LRRC4C: variants seen among roughly 807,000 people sequenced by gnomAD.
The protein encoded by LRRC4C is leucine-rich repeat-containing protein 4C.
Under a neutral mutation model 33.6 loss-of-function variants are expected in LRRC4C, and 5 were observed. The ratio of observed to expected loss-of-function variants is 0.15; its 90% confidence interval spans 0.08 to 0.31. LRRC4C has a LOEUF of 0.31. LRRC4C is among the 10% of genes least tolerant of loss of function. The pLI is 1.00. For synonymous variants in LRRC4C, 329 were observed against 302.0 expected, an observed-to-expected ratio of 1.09 and a Z score of -0.93; for missense variants, 560 against 796.7, an observed-to-expected ratio of 0.70 and a Z score of 3.58.
chr11:40,616,963 G>A (rs1591287364), intron 3 of LRRC4C, among the ~76,000 whole-genome samples: 2 of 149,490 alleles, frequency 1.3e-5, no homozygotes, highest in Admixed American at 1.3e-4. Context: ...GTTTTATTTT[G>A]TTTAGATCTT....
At chr11:40,750,002 C>A (rs953284924) in intron 2 of LRRC4C, among the ~76,000 whole-genome samples, 21 of 152,110 alleles carry the variant, frequency 1.4e-4, no homozygotes, top group African/African-American at 4.8e-4. Context: ...AAAAGTATTA[C>A]ATCAAAGAAA....
At chr11:40,715,412 A>G (rs953025879) in intron 2 of LRRC4C, among the ~76,000 whole-genome samples, 2 of 152,242 alleles carry the variant, frequency 1.3e-5, no homozygotes, top group African/African-American at 2.4e-5. Flanking sequence ...TGGCAAGTAT[A>G]TAGAGCAGCA....
At chr11:40,821,022 C>A (rs1324508735) in intron 2 of LRRC4C, among the ~76,000 whole-genome samples, 1 of 151,406 alleles carries the variant, frequency 6.6e-6, no homozygotes, top group African/African-American at 2.4e-5. Context: ...ACAGAAAATC[C>A]TAAATTGAAA....
intron 2 of LRRC4C, among the ~76,000 whole-genome samples, chr11:40,862,758 C>G (rs1352172971): frequency 6.6e-6 from 1 of 152,124 alleles, no homozygotes. Flanking sequence ...AATTTTAACT[C>G]TCCTGTGTGT....
chr11:41,315,178 G>A (rs1591244490), intron 1 of LRRC4C, among the ~76,000 whole-genome samples: 1 of 152,174 alleles, frequency 6.6e-6, no homozygotes, highest in African/African-American at 2.4e-5. Flanking sequence ...CTGTGATCAT[G>A]AGCAACTTGA....
intron 1 of LRRC4C, among the ~76,000 whole-genome samples, chr11:41,433,837 G>A (rs538897192): frequency 8.6e-4 from 130 of 151,210 alleles, no homozygotes; most frequent in Admixed American, 1.7e-3. Context: ...ATATATATGC[G>A]TATATATATA....
intron 3 of LRRC4C, among the ~76,000 whole-genome samples, chr11:40,630,346 T>TCTTCTC (rs1555124522): frequency 2.7e-5 from 1 of 36,736 alleles, no homozygotes; most frequent in African/African-American, 7.5e-5. Context: ...TTCTTCTTCT[T>TCTTCTC]CTTCTTCTTC....
rs116427898 is a variant in LRRC4C, at chr11:41,081,566, C to T, written c.-495-147843G>A. Among the ~76,000 whole-genome samples, 1,018 of 152,158 alleles carry T rather than the reference C, an allele frequency of 6.7e-3. 12 individuals are homozygous for T. The highest frequency in any genetic ancestry group is 0.023 in the African/African-American group (937 of 41,502). On this transcript the variant is annotated intron_variant, in intron 1 of 6. Coordinates refer to ENST00000528697, the MANE Select transcript of LRRC4C (RefSeq NM_001258419.2). ...CATATGTTAAGAACAACCTTGGTTT[C>T]GGTTTAGCTTATTATCCACCTATTG...
chr11:40,184,422 A>T (rs1246271241), intron 5 of LRRC4C, among the ~76,000 whole-genome samples: 1 of 152,208 alleles, frequency 6.6e-6, no homozygotes, highest in East Asian at 1.9e-4. Flanking sequence ...AGAATAAAAA[A>T]GGGTTTGTGG....
chr11:40,572,719 G>C (rs976436507), intron 3 of LRRC4C, among the ~76,000 whole-genome samples: 2 of 152,176 alleles, frequency 1.3e-5, no homozygotes, highest in African/African-American at 2.4e-5. Flanking sequence ...ACTGGTCCTA[G>C]AACTGGAACC....
intron 1 of LRRC4C, among the ~76,000 whole-genome samples, chr11:41,026,048 A>G (rs1482651904): frequency 6.6e-6 from 1 of 151,778 alleles, no homozygotes; most frequent in Non-Finnish European, 1.5e-5. Context: ...TACTAATACA[A>G]CATTCATTCT....
At chr11:41,191,214 C>T (rs377089150) in intron 1 of LRRC4C, among the ~76,000 whole-genome samples, 1 of 152,162 alleles carries the variant, frequency 6.6e-6, no homozygotes, top group Admixed American at 6.6e-5. Context: ...AACTAAGCTA[C>T]GGTTTCTTAG....
intron 2 of LRRC4C, among the ~76,000 whole-genome samples, chr11:40,880,512 C>A (rs529664622): frequency 7.5e-6 from 1 of 132,896 alleles, no homozygotes; most frequent in Non-Finnish European, 1.6e-5. Context: ...GTGACTCCTA[C>A]GAACCCCTCC....
At chr11:41,415,941 T>C (rs1259022593) in intron 1 of LRRC4C, among the ~76,000 whole-genome samples, 1 of 151,990 alleles carries the variant, frequency 6.6e-6, no homozygotes, top group East Asian at 1.9e-4. Context: ...AGTCCAGGTG[T>C]GGTAGATGTT....
At chr11:40,706,229 C>A (rs1180567330) in intron 2 of LRRC4C, among the ~76,000 whole-genome samples, 1 of 152,102 alleles carries the variant, frequency 6.6e-6, no homozygotes, top group African/African-American at 2.4e-5. Flanking sequence ...TCCCATTTGT[C>A]TATTTTGGCT....
chr11:40,678,262 A>G (rs1015875054), intron 2 of LRRC4C, among the ~76,000 whole-genome samples: 1 of 152,042 alleles, frequency 6.6e-6, no homozygotes, highest in Non-Finnish European at 1.5e-5. Context: ...TATACTACCC[A>G]GTAGGTAGAA....
chr11:40,212,001 G>A (rs1449569221), intron 5 of LRRC4C, among the ~76,000 whole-genome samples: 1 of 152,158 alleles, frequency 6.6e-6, no homozygotes, highest in Non-Finnish European at 1.5e-5. Context: ...CCATGGGACA[G>A]AATAAACCCT....
intron 3 of LRRC4C, among the ~76,000 whole-genome samples, chr11:40,460,304 T>C (rs1332208946): frequency 6.6e-6 from 1 of 151,996 alleles, no homozygotes; most frequent in Non-Finnish European, 1.5e-5. Flanking sequence ...GGGATTTTAA[T>C]TTCAAGCACA....
At chr11:40,534,659 A>G (rs7123086) in intron 3 of LRRC4C, among the ~76,000 whole-genome samples, 13,350 of 152,204 alleles carry the variant, frequency 0.088, 1,660 homozygotes, top group African/African-American at 0.28. Context: ...TAAATTGTCC[A>G]TTACTATGTG....
Sources: allele counts gnomAD v4.1 joint callset (sites outside exome capture counted in the v4.1 genomes callset), GRCh38; gene constraint gnomAD v4.1.1; transcripts MANE v1.5; gene names NCBI Gene and HGNC (gene_info 2026-07-23, HGNC 2026-07-21).